DTNB: variants seen among roughly 807,000 people sequenced by gnomAD.
DTNB encodes the protein dystrobrevin beta.
Under a neutral mutation model 90.7 loss-of-function variants are expected in DTNB, and 63 were observed. That is an observed-to-expected ratio of 0.69 (90% confidence interval 0.57 to 0.86). The LOEUF is 0.86. Among genes scored for constraint, DTNB ranks in the 40% least tolerant of loss-of-function variants. The pLI is 0.00. For missense variants in DTNB, 744 were observed against 807.1 expected, an observed-to-expected ratio of 0.92 and a Z score of 0.95; for synonymous variants, 277 against 286.7, an observed-to-expected ratio of 0.97 and a Z score of 0.34.
chr2:25,388,408 C>CT, intron 16 of DTNB, 47 bp from the exon 17 acceptor site: 1 of 1,548,570 alleles, frequency 6.5e-7, no homozygotes. Context: ...TACCTGACCT[C>CT]TTTGAGGAAG....
intron 9 of DTNB, among the ~76,000 whole-genome samples, chr2:25,509,484 G>A (rs1241258631): frequency 2.0e-5 from 3 of 150,798 alleles, no homozygotes; most frequent in Non-Finnish European, 4.4e-5. Flanking sequence ...TTATTCATCT[G>A]CAAATGTTTT....
At chr2:25,510,065 A>G (rs2073598687) in intron 9 of DTNB, among the ~76,000 whole-genome samples, 1 of 151,792 alleles carries the variant, frequency 6.6e-6, no homozygotes, top group South Asian at 2.1e-4. Context: ...TTCTTAATTA[A>G]GATTTGTTGA....
chr2:25,425,524 G>A (rs548436853), intron 15 of DTNB, among the ~76,000 whole-genome samples: 2 of 152,294 alleles, frequency 1.3e-5, no homozygotes, highest in East Asian at 1.9e-4. Context: ...CTTCGGGCCT[G>A]GAGGATGAAA....
chr2:25,658,203 G>A (rs2082442780), intron 1 of DTNB, among the ~76,000 whole-genome samples: 1 of 150,758 alleles, frequency 6.6e-6, no homozygotes, highest in South Asian at 2.1e-4. Flanking sequence ...GTTGCAGTGT[G>A]CTGAAATCGC....
At position 25,387,378 on chromosome 2, in the gene DTNB, C is replaced by A. The variant is rs765232936; in HGVS notation, c.1736G>T (p.Gly579Val). 1.2e-6 allele frequency: 2 copies of A among 1,611,156 alleles called. No homozygotes were observed. The highest frequency in any genetic ancestry group is 3.3e-5 in the Admixed American group (2 of 59,942). ...GTCATTGCGGAGGTTTCTCCTCGTA[C>A]CTGAGGAGAGGCAGAGCAGATGGGG... The part of the protein sequence containing the change: ...GGDVQEAFAQ[G>V]TRRNLRNDLL... The change falls in exon 18 of 21, where the codon GGT becomes GTT. Residue 579 changes from glycine to valine, a missense_variant and splice_region_variant. Coordinates refer to ENST00000406818, the MANE Select transcript of DTNB (RefSeq NM_021907.5). This position sits in a 1 kb window ranked among gnomAD's most constrained non-coding sequence, Gnocchi z 4.5.
chr2:25,442,996 C>T (rs1250402400), intron 12 of DTNB, among the ~76,000 whole-genome samples: 1 of 152,166 alleles, frequency 6.6e-6, no homozygotes, highest in African/African-American at 2.4e-5. Context: ...GGCAGGGTAA[C>T]ATCTGGAGGA....
At chr2:25,569,171 C>T (rs2151272931) in intron 8 of DTNB, among the ~76,000 whole-genome samples, 1 of 152,228 alleles carries the variant, frequency 6.6e-6, no homozygotes, top group Admixed American at 6.5e-5. Flanking sequence ...TCAGTCACCC[C>T]AGCGAAGGCC....
At chr2:25,401,141 TA>T (rs954886583) in intron 16 of DTNB, among the ~76,000 whole-genome samples, 30 of 152,324 alleles carry the variant, frequency 2.0e-4, no homozygotes, top group African/African-American at 6.7e-4. Context: ...CTGGGTCTGC[TA>T]ATTGCCTCAA....
chr2:25,635,900 G>C (rs1197167933), intron 3 of DTNB, among the ~76,000 whole-genome samples: 1 of 152,188 alleles, frequency 6.6e-6, no homozygotes, highest in Non-Finnish European at 1.5e-5. Context: ...TGCAGTATTA[G>C]AACAGTCTGG....
intron 15 of DTNB, among the ~76,000 whole-genome samples, chr2:25,425,397 G>A (rs2051212310): frequency 6.6e-6 from 1 of 152,184 alleles, no homozygotes; most frequent in South Asian, 2.1e-4. Context: ...ATTTATCCAA[G>A]TTGCTAATGC....
intron 4 of DTNB, among the ~76,000 whole-genome samples, chr2:25,618,780 T>C (rs190066884): frequency 7.2e-5 from 11 of 152,304 alleles, no homozygotes; most frequent in Admixed American, 7.2e-4. Flanking sequence ...GTAAGGGACA[T>C]GATGATCCCT....
chr2:25,387,358 T>C lies in DTNB; in HGVS notation c.1756A>G (p.Asn586Asp). The C allele has an allele frequency of 6.2e-7, 1 of 1,612,236 alleles. No individual in the cohort carries two copies. The highest frequency in any genetic ancestry group is 8.5e-7 in the Non-Finnish European group (1 of 1,179,220). The change falls in exon 18 of 21, where the codon AAT (asparagine) becomes GAT (aspartate). Residue 586 changes from asparagine to aspartate, a missense_variant. Transcript: ENST00000406818. This position sits in a 1 kb window ranked among gnomAD's most constrained non-coding sequence, Gnocchi z 4.5. ...FAQGTRRNLRNDLLVAADSIT... is the reference protein window; with the variant it reads ...FAQGTRRNLRDDLLVAADSIT... ...GAGTCAGCTGCCACCAGCAGGTCATTGCGGAGGTTTCTCCTCGTACCTGAG... is the reference window on the plus strand; with the variant it reads ...GAGTCAGCTGCCACCAGCAGGTCATCGCGGAGGTTTCTCCTCGTACCTGAG...
intron 5 of DTNB, among the ~76,000 whole-genome samples, chr2:25,600,015 T>C (rs1330128246): frequency 2.0e-5 from 3 of 152,248 alleles, no homozygotes; most frequent in East Asian, 3.9e-4. Flanking sequence ...GGAGGACCGC[T>C]TGAGTGCAGA....
intron 8 of DTNB, among the ~76,000 whole-genome samples, chr2:25,568,768 C>T (rs1572709974): frequency 6.6e-6 from 1 of 152,206 alleles, no homozygotes; most frequent in East Asian, 1.9e-4. Flanking sequence ...ACCACACAGG[C>T]ACCTTTGCAA....
At chr2:25,593,162 G>A (rs2063881543) in intron 6 of DTNB, among the ~76,000 whole-genome samples, 1 of 152,208 alleles carries the variant, frequency 6.6e-6, no homozygotes, top group Non-Finnish European at 1.5e-5. Context: ...GGAAGGTACT[G>A]CAGGATTTTC....
At chr2:25,511,634 G>A (rs2073974323) in intron 9 of DTNB, among the ~76,000 whole-genome samples, 1 of 152,072 alleles carries the variant, frequency 6.6e-6, no homozygotes, top group Non-Finnish European at 1.5e-5. Flanking sequence ...GCCCAATCGG[G>A]TTACTTTTTT....
At chr2:25,668,639 T>C (rs951876566) in intron 1 of DTNB, among the ~76,000 whole-genome samples, 2 of 152,258 alleles carry the variant, frequency 1.3e-5, no homozygotes, top group African/African-American at 4.8e-5. Context: ...ATGTTAATAA[T>C]AGGAGAAACC....
At chr2:25,420,567 G>A (rs1003691844) in intron 15 of DTNB, among the ~76,000 whole-genome samples, 10 of 151,970 alleles carry the variant, frequency 6.6e-5, no homozygotes, top group African/African-American at 9.7e-5. Context: ...CCAGGATGGA[G>A]TGCAATGGTG....
chr2:25,651,303 C>T (rs1283567270), intron 2 of DTNB, among the ~76,000 whole-genome samples: 1 of 152,214 alleles, frequency 6.6e-6, no homozygotes, highest in Admixed American at 6.5e-5. Context: ...ATTAAGTTAA[C>T]TTGCCTAAGG....
Sources: allele counts gnomAD v4.1 joint callset (sites outside exome capture counted in the v4.1 genomes callset), GRCh38; gene constraint gnomAD v4.1.1; non-coding constraint Gnocchi (gnomAD v3.1); transcripts MANE v1.5; gene names NCBI Gene and HGNC (gene_info 2026-07-23, HGNC 2026-07-21).